The following LPP variants were observed in gnomAD, a reference collection of about 807,000 sequenced individuals.
The protein encoded by LPP is lipoma-preferred partner.
Under a neutral mutation model 60.4 loss-of-function variants are expected in LPP, and 38 were observed. The ratio of observed to expected loss-of-function variants is 0.63; its 90% CI spans 0.49 to 0.83. LPP has a LOEUF of 0.83. LPP is among the 40% of genes least tolerant of loss of function. LPP has a pLI of 0.00. For missense variants in LPP, 902 were observed against 783.6 expected, an observed-to-expected ratio of 1.15 and a Z score of -1.80; for synonymous variants, 328 against 290.8, an observed-to-expected ratio of 1.13 and a Z score of -1.30.
chr3:188,620,843 A>G (rs1471754291), intron 7 of LPP, among the ~76,000 whole-genome samples: 1 of 152,234 alleles, frequency 6.6e-6, no homozygotes, highest in Non-Finnish European at 1.5e-5. Context: ...TATCTCTCAA[A>G]TACAAATCCA....
chr3:188,376,126 T>C (rs1774993861), intron 3 of LPP, among the ~76,000 whole-genome samples: 1 of 152,206 alleles, frequency 6.6e-6, no homozygotes, highest in African/African-American at 2.4e-5. Flanking sequence ...TACTTCCAAC[T>C]ATGTGGTCAA....
intron 4 of LPP, among the ~76,000 whole-genome samples, chr3:188,462,606 GTGTGTGTGT>G (rs1799385954): frequency 8.0e-6 from 1 of 125,564 alleles, no homozygotes; most frequent in Non-Finnish European, 1.8e-5. Flanking sequence ...GTGTGTGTGT[GTGTGTGTGT>G]GTGTGTGTGT....
chr3:188,468,253 CTA>C (rs1800954414), intron 4 of LPP, among the ~76,000 whole-genome samples: 1 of 152,216 alleles, frequency 6.6e-6, no homozygotes, highest in African/African-American at 2.4e-5. Flanking sequence ...TAATGTGAGT[CTA>C]TGGACTAGAT....
chr3:188,167,109 A>G (rs1055801969), intron 1 of LPP, among the ~76,000 whole-genome samples: 1 of 152,206 alleles, frequency 6.6e-6, no homozygotes, highest in Non-Finnish European at 1.5e-5. Flanking sequence ...GCCTCTCTGA[A>G]CTTCCAATTC....
At chr3:188,621,275 G>A (rs918140321) in intron 7 of LPP, among the ~76,000 whole-genome samples, 2 of 152,122 alleles carry the variant, frequency 1.3e-5, no homozygotes, top group Admixed American at 6.6e-5. Flanking sequence ...GACCCAGGTG[G>A]TAAGCATAGT....
intron 8 of LPP, among the ~76,000 whole-genome samples, chr3:188,713,321 T>C (rs1170395351): frequency 6.6e-6 from 1 of 151,684 alleles, no homozygotes; most frequent in African/African-American, 2.4e-5. Context: ...AACACTATTC[T>C]AGATTAAAGG....
chr3:188,735,769 A>G (rs1722291131), intron 8 of LPP, among the ~76,000 whole-genome samples: 3 of 152,174 alleles, frequency 2.0e-5, no homozygotes, highest in Admixed American at 6.5e-5. Context: ...TGGAGTTTCA[A>G]ACTAACACTG....
chr3:188,291,693 C>A (rs1746033841), intron 2 of LPP, among the ~76,000 whole-genome samples: 1 of 151,294 alleles, frequency 6.6e-6, no homozygotes, highest in South Asian at 2.1e-4. Context: ...GATACCTTAC[C>A]TTGTGTGGGG....
chr3:188,496,745 T>C (rs1810347953), intron 5 of LPP, among the ~76,000 whole-genome samples: 1 of 152,236 alleles, frequency 6.6e-6, no homozygotes, highest in Non-Finnish European at 1.5e-5. Flanking sequence ...CATTATTTGC[T>C]GTCACCAGTT....
intron 1 of LPP, among the ~76,000 whole-genome samples, chr3:188,187,442 T>C (rs1372189501): frequency 6.6e-6 from 1 of 152,140 alleles, no homozygotes; most frequent in Non-Finnish European, 1.5e-5. Context: ...TTTATTTCTA[T>C]AGTAAATAGA....
intron 2 of LPP, among the ~76,000 whole-genome samples, chr3:188,270,952 T>C (rs1395536018): frequency 1.3e-5 from 2 of 152,214 alleles, no homozygotes; most frequent in African/African-American, 2.4e-5. Flanking sequence ...TTTTAATCAA[T>C]GGCAAAGTAG....
intron 6 of LPP, among the ~76,000 whole-genome samples, chr3:188,537,643 T>C (rs1283621257): frequency 2.0e-5 from 3 of 152,198 alleles, no homozygotes; most frequent in Non-Finnish European, 2.9e-5. Flanking sequence ...GTTGATTAGT[T>C]GCAAGATGTA....
chr3:188,374,341 C>G (rs1367489692), intron 3 of LPP, among the ~76,000 whole-genome samples: 2 of 152,130 alleles, frequency 1.3e-5, no homozygotes, highest in Non-Finnish European at 2.9e-5. Flanking sequence ...TACCCGTGAG[C>G]ATGGAATGTT....
chr3:188,408,067 C>T (rs969274766), intron 4 of LPP, among the ~76,000 whole-genome samples: 1 of 152,040 alleles, frequency 6.6e-6, no homozygotes, highest in South Asian at 2.1e-4. Flanking sequence ...GGATTACAGG[C>T]GTGAGCCACC....
chr3:188,722,206 A>G (rs946681960), intron 8 of LPP, among the ~76,000 whole-genome samples: 12 of 152,208 alleles, frequency 7.9e-5, no homozygotes, highest in Non-Finnish European at 1.8e-4. Flanking sequence ...GATGTTGAAT[A>G]TGATGAAGAA....
chr3:188,833,104 G>A (rs1757517461), intron 9 of LPP, among the ~76,000 whole-genome samples: 1 of 152,200 alleles, frequency 6.6e-6, no homozygotes, highest in East Asian at 1.9e-4. Flanking sequence ...TTTGTTGGCT[G>A]TAAGTCAGCA....
At chr3:188,344,721 C>A (rs960665916) in intron 3 of LPP, among the ~76,000 whole-genome samples, 1 of 152,308 alleles carries the variant, frequency 6.6e-6, no homozygotes, top group African/African-American at 2.4e-5. Context: ...ACCAGACATG[C>A]AGTTAATGAC....
At chr3:188,627,577 A>G (rs570119693) in intron 7 of LPP, among the ~76,000 whole-genome samples, 1 of 152,338 alleles carries the variant, frequency 6.6e-6, no homozygotes, top group African/African-American at 2.4e-5. Context: ...AAAGGGTTCA[A>G]TTCAACAAGA....
At chr3:188,224,082 G>A (rs1461609400) in intron 1 of LPP, among the ~76,000 whole-genome samples, 1 of 152,128 alleles carries the variant, frequency 6.6e-6, no homozygotes, top group Non-Finnish European at 1.5e-5. Flanking sequence ...TTGGCTCTAG[G>A]TGTGACTCAT....
Sources: gnomAD v4.1 joint callset for allele counts (sites outside exome capture counted in the v4.1 genomes callset) on GRCh38, gnomAD v4.1.1 for gene constraint, MANE v1.5 for transcripts, NCBI Gene and HGNC (gene_info 2026-07-23, HGNC 2026-07-21) for gene names.